ROCK1: variants seen among roughly 807,000 people sequenced by gnomAD.
ROCK1 encodes the protein Rho associated coiled-coil containing protein kinase 1.
ROCK1 carries 36 observed loss-of-function variants against 196.8 expected under a neutral mutation model. That is an observed-to-expected ratio of 0.18 (90% CI 0.14 to 0.24). ROCK1 has a LOEUF of 0.24. ROCK1 is among the 10% of genes least tolerant of loss of function. The probability of loss-of-function intolerance (pLI) is 1.00; values close to 1 mark genes in which losing one functional copy is unlikely to be tolerated. For missense variants in ROCK1, 920 were observed against 1,562.0 expected (o/e 0.59, Z 6.93); for synonymous variants, 443 against 515.9 (o/e 0.86, Z 1.91).
chr18:21,037,873 T>C (rs183441531), intron 9 of ROCK1, among the ~76,000 whole-genome samples: 2 of 152,254 alleles, frequency 1.3e-5, no homozygotes, highest in East Asian at 1.9e-4. Flanking sequence ...ACAACAGGTG[T>C]TCAGTAAATA....
chr18:21,025,599 T>C (rs1324956044), intron 10 of ROCK1, among the ~76,000 whole-genome samples: 1 of 152,124 alleles, frequency 6.6e-6, no homozygotes, highest in Non-Finnish European at 1.5e-5. Flanking sequence ...TAGCCAGGCA[T>C]GGTGGTACGC....
chr18:21,107,119 A>G (rs573354658), intron 1 of ROCK1, among the ~76,000 whole-genome samples: 1 of 152,366 alleles, frequency 6.6e-6, no homozygotes, highest in Non-Finnish European at 1.5e-5. Context: ...AATTTTGTGC[A>G]TGAAACAAAG....
At chr18:21,033,486 T>C (rs2036027796) in intron 9 of ROCK1, among the ~76,000 whole-genome samples, 1 of 151,960 alleles carries the variant, frequency 6.6e-6, no homozygotes, top group Non-Finnish European at 1.5e-5. Context: ...GTCTGAGTAA[T>C]TAGGCAAGAA....
chr18:21,100,033 CAAAACA>C (rs1568410273), intron 1 of ROCK1, among the ~76,000 whole-genome samples: 5 of 149,352 alleles, frequency 3.3e-5, no homozygotes, highest in Admixed American at 2.7e-4. Context: ...AAGACTGTCT[CAAAACA>C]AAAACAAAAA....
chr18:20,979,491 G>A (rs1210125541), intron 22 of ROCK1, among the ~76,000 whole-genome samples: 5 of 151,752 alleles, frequency 3.3e-5, no homozygotes, highest in East Asian at 1.9e-4. Flanking sequence ...GCGTGGTGGC[G>A]CACGCCTGTA....
At chr18:20,970,546 A>T in intron 22 of ROCK1, 33 bp from the exon 23 acceptor site, 3 of 1,485,132 alleles carry the variant, frequency 2.0e-6, no homozygotes, top group Non-Finnish European at 2.8e-6. Flanking sequence ...ACTGATGTAA[A>T]CAAATTCAGT....
chr18:21,092,420 T>C (rs1249952474), intron 1 of ROCK1, among the ~76,000 whole-genome samples: 1 of 151,836 alleles, frequency 6.6e-6, no homozygotes, highest in East Asian at 1.9e-4. Context: ...TCATCTGTAC[T>C]AAAATGCAAC....
chr18:21,101,883 T>G (rs2036662103), intron 1 of ROCK1, among the ~76,000 whole-genome samples: 2 of 152,080 alleles, frequency 1.3e-5, no homozygotes, highest in African/African-American at 4.8e-5. Context: ...CTTTTTTTTT[T>G]TCAAAGATGC....
At chr18:20,958,911 T>A (rs1311109812) in intron 29 of ROCK1, among the ~76,000 whole-genome samples, 3 of 58,506 alleles carry the variant, frequency 5.1e-5, no homozygotes, top group African/African-American at 9.0e-5. Flanking sequence ...ATATATATAT[T>A]TTATATATTT....
chr18:21,078,341 TACACACACACACACACACAC>T (rs59499705), intron 1 of ROCK1, among the ~76,000 whole-genome samples: 1 of 128,786 alleles, frequency 7.8e-6, no homozygotes, highest in Non-Finnish European at 1.6e-5. Context: ...AACACCCACC[TACACACACACACACACACAC>T]ACACACACAC....
intron 19 of ROCK1, among the ~76,000 whole-genome samples, chr18:20,984,790 T>G (rs2035563409): frequency 1.3e-5 from 2 of 152,088 alleles, no homozygotes; most frequent in African/African-American, 4.8e-5. Flanking sequence ...CCAATCAGCA[T>G]GAAAATTCTG....
chr18:21,023,816 C>A, intron 10 of ROCK1, 136 bp from the exon 11 acceptor site: 1 of 435,836 alleles, frequency 2.3e-6, no homozygotes, highest in Non-Finnish European at 4.1e-6. Context: ...AGTATAGGTT[C>A]ATAATTTTTA....
chr18:21,104,063 T>C (rs2036682026), intron 1 of ROCK1, among the ~76,000 whole-genome samples: 1 of 152,186 alleles, frequency 6.6e-6, no homozygotes, highest in Non-Finnish European at 1.5e-5. Flanking sequence ...GGATGAGGAA[T>C]GGAGAAGTAG....
chr18:20,959,507 C>T (rs200686459), intron 29 of ROCK1, among the ~76,000 whole-genome samples: 6,262 of 85,562 alleles, frequency 0.073, no homozygotes, highest in East Asian at 0.25. Context: ...TCACCGCACC[C>T]GGCCCTCTTT....
intron 1 of ROCK1, among the ~76,000 whole-genome samples, chr18:21,079,690 A>T (rs2036466373): frequency 6.6e-6 from 1 of 152,134 alleles, no homozygotes; most frequent in Non-Finnish European, 1.5e-5. Context: ...GCTCTGGGGA[A>T]CTACTCCCTG....
At chr18:21,076,479 A>G (rs1326047420) in intron 1 of ROCK1, among the ~76,000 whole-genome samples, 1 of 152,158 alleles carries the variant, frequency 6.6e-6, no homozygotes, top group Non-Finnish European at 1.5e-5. Flanking sequence ...ACTCCAGCCT[A>G]GGTGACAGAG....
intron 16 of ROCK1, among the ~76,000 whole-genome samples, chr18:21,001,209 G>A (rs2035721094): frequency 2.0e-5 from 3 of 152,298 alleles, no homozygotes; most frequent in South Asian, 2.1e-4. Context: ...CCATTTATAC[G>A]AAATATCCAG....
intron 15 of ROCK1, 44 bp from the exon 16 acceptor site, chr18:21,006,641 C>A (rs776756298): frequency 1.3e-6 from 2 of 1,591,194 alleles, no homozygotes; most frequent in African/African-American, 2.7e-5. Flanking sequence ...GACCAAAGTA[C>A]GATATAATTT....
intron 16 of ROCK1, among the ~76,000 whole-genome samples, chr18:20,994,464 T>C (rs2035653314): frequency 6.6e-6 from 1 of 152,150 alleles, no homozygotes; most frequent in African/African-American, 2.4e-5. Context: ...TGAAACCCTG[T>C]CTCAAATACA....
Sources: gnomAD v4.1 joint callset for allele counts (sites outside exome capture counted in the v4.1 genomes callset) on GRCh38, gnomAD v4.1.1 for gene constraint, MANE v1.5 for transcripts, NCBI Gene and HGNC (gene_info 2026-07-23, HGNC 2026-07-21) for gene names.